ZNF804B: variants seen among roughly 807,000 people sequenced by gnomAD.
ZNF804B encodes the protein zinc finger 804B.
Under a neutral mutation model 101.4 loss-of-function variants are expected in ZNF804B, and 80 were observed. The ratio of observed to expected loss-of-function variants is 0.79; its 90% CI spans 0.66 to 0.95. The LOEUF (loss-of-function observed/expected upper bound fraction) is 0.95, where lower values mean the gene tolerates loss of function less well. Among genes scored for constraint, ZNF804B ranks in the 40% least tolerant of loss-of-function variants. ZNF804B has a pLI of 0.00. For missense variants in ZNF804B, 1,673 were observed against 1,561.9 expected, an observed-to-expected ratio of 1.07 and a Z score of -1.20; for synonymous variants, 622 against 558.8, an observed-to-expected ratio of 1.11 and a Z score of -1.59.
intron 3 of ZNF804B, among the ~76,000 whole-genome samples, chr7:89,328,706 T>C (rs1323460507): frequency 6.6e-6 from 1 of 151,890 alleles, no homozygotes; most frequent in Non-Finnish European, 1.5e-5. Flanking sequence ...TTCCTGTGAT[T>C]AATAAGGAGA....
chr7:89,129,323 C>T (rs1282188450), intron 1 of ZNF804B, among the ~76,000 whole-genome samples: 2 of 151,860 alleles, frequency 1.3e-5, no homozygotes, highest in African/African-American at 4.8e-5. Context: ...ATCATATTTC[C>T]CTTGTCAGTA....
intron 2 of ZNF804B, among the ~76,000 whole-genome samples, chr7:89,268,852 A>C (rs189877565): frequency 6.6e-6 from 1 of 152,154 alleles, no homozygotes; most frequent in African/African-American, 2.4e-5. Flanking sequence ...TAAATTTTTA[A>C]TTTAAGTACA....
chr7:88,831,771 C>T (rs1317769520), intron 1 of ZNF804B, among the ~76,000 whole-genome samples: 1 of 151,856 alleles, frequency 6.6e-6, no homozygotes, highest in African/African-American at 2.4e-5. Flanking sequence ...TGACCTTGCT[C>T]TTTGACCATT....
rs1790771676 is a variant in ZNF804B, at chr7:89,144,977, A to G, written c.109-73178A>G. ...AAAAATTAGCTGGGTGTGATGGTGCATTCCTGTAGTCCCAGCTACTTGAGA... is the reference window on the plus strand; with the variant it reads ...AAAAATTAGCTGGGTGTGATGGTGCGTTCCTGTAGTCCCAGCTACTTGAGA... On this transcript the variant is annotated intron_variant, in intron 1 of 3. Coordinates refer to ENST00000333190, the MANE Select transcript of ZNF804B (RefSeq NM_181646.5). Among the ~76,000 whole-genome samples, 3 of 151,836 alleles carry G rather than the reference A, an allele frequency of 2.0e-5. No homozygotes were observed. In the South Asian group the frequency reaches 6.2e-4, roughly 32 times the overall value.
chr7:89,076,636 A>G (rs1378772215), intron 1 of ZNF804B, among the ~76,000 whole-genome samples: 2 of 152,226 alleles, frequency 1.3e-5, no homozygotes, highest in Non-Finnish European at 2.9e-5. Context: ...ATGATTTCTG[A>G]TAATATGACT....
In ZNF804B at chr7:88,807,674, G is replaced by A. The variant is rs138767314; in HGVS notation, c.108+47590G>A. Reference sequence around the variant, plus strand: ...ATAGATAAAACTAGAGCACTCCTATGTTGGTGAGAGCTATACAATACAAAA... The same window carrying A: ...ATAGATAAAACTAGAGCACTCCTATATTGGTGAGAGCTATACAATACAAAA... On this transcript the variant is annotated intron_variant, in intron 1 of 3. Coordinates refer to ENST00000333190, the MANE Select transcript of ZNF804B (RefSeq NM_181646.5). 2.6e-5 allele frequency among the ~76,000 whole-genome samples: 4 copies of A among 152,208 alleles called. No homozygotes were observed. The East Asian group carries it at 7.7e-4, about 29-fold the overall frequency.
chr7:89,319,317 A>G (rs1790778697), intron 2 of ZNF804B, among the ~76,000 whole-genome samples: 1 of 152,196 alleles, frequency 6.6e-6, no homozygotes, highest in Non-Finnish European at 1.5e-5. Flanking sequence ...GGCTTACACA[A>G]CTTCTCCTTT....
intron 2 of ZNF804B, among the ~76,000 whole-genome samples, chr7:89,266,971 TTAGA>T (rs1469188463): frequency 6.6e-6 from 1 of 152,052 alleles, no homozygotes; most frequent in African/African-American, 2.4e-5. Flanking sequence ...GTGAATCAAT[TTAGA>T]TAATTCTGTG....
In ZNF804B at chr7:88,996,169, T is replaced by C. The variant is rs192747617; in HGVS notation, c.109-221986T>C. ...TTTCATTGCAAATGTACTCTACTAA[T>C]ATAATATTAAAAATAGGAGATAAAG... is the stretch of plus-strand genomic sequence containing the variant. On this transcript the variant is annotated intron_variant, in intron 1 of 3. Transcript: ENST00000333190. Among the ~76,000 whole-genome samples the C allele has an allele frequency of 2.0e-4, 31 of 152,202 alleles. No individual in the cohort carries two copies. In the East Asian group the frequency reaches 6.0e-3, roughly 29 times the overall value.
intron 1 of ZNF804B, among the ~76,000 whole-genome samples, chr7:89,131,955 A>G (rs1790554515): frequency 6.6e-6 from 1 of 152,044 alleles, no homozygotes; most frequent in Admixed American, 6.6e-5. Flanking sequence ...GCAAATTCAA[A>G]TGCAGATAGC....
chr7:88,770,695 G>C (rs2519951), intron 1 of ZNF804B, among the ~76,000 whole-genome samples: 66,390 of 151,942 alleles, frequency 0.44, 17,630 homozygotes, highest in African/African-American at 0.74. Flanking sequence ...CTGTCTCTGC[G>C]CAAATGTCCC....
intron 1 of ZNF804B, among the ~76,000 whole-genome samples, chr7:88,832,149 C>T (rs1791143425): frequency 6.7e-6 from 1 of 149,458 alleles, no homozygotes; most frequent in South Asian, 2.1e-4. Flanking sequence ...TGATGCATTT[C>T]CACAGGAACT....
chr7:89,251,512 CCATACTGCCCAAAGCAATGTA>C (rs1013655686), intron 2 of ZNF804B, among the ~76,000 whole-genome samples: 1 of 139,202 alleles, frequency 7.2e-6, no homozygotes, highest in Non-Finnish European at 1.6e-5. Context: ...CATTAAAAAT[CCATACTGCCCAAAGCAATGTA>C]CAGATTCAAT....
intron 1 of ZNF804B, among the ~76,000 whole-genome samples, chr7:88,997,501 T>C (rs1390945858): frequency 1.3e-5 from 2 of 152,106 alleles, no homozygotes; most frequent in Non-Finnish European, 2.9e-5. Context: ...GGATATTAAC[T>C]GAAGTTCTGT....
intron 1 of ZNF804B, among the ~76,000 whole-genome samples, chr7:88,889,910 C>A (rs972512711): frequency 6.6e-6 from 1 of 152,086 alleles, no homozygotes; most frequent in Admixed American, 6.6e-5. Flanking sequence ...AATTTGAGGT[C>A]TGACATTTAC....
At chr7:89,251,096 A>G (rs530605478) in intron 2 of ZNF804B, among the ~76,000 whole-genome samples, 10 of 152,314 alleles carry the variant, frequency 6.6e-5, no homozygotes, top group Non-Finnish European at 1.5e-4. Context: ...TCCCAGAATA[A>G]TCAGGCAAGA....
At chr7:89,084,755 A>G (rs1320997512) in intron 1 of ZNF804B, among the ~76,000 whole-genome samples, 1 of 152,026 alleles carries the variant, frequency 6.6e-6, no homozygotes, top group African/African-American at 2.4e-5. Flanking sequence ...CTACATAGAT[A>G]TAAAACAAAC....
intron 1 of ZNF804B, among the ~76,000 whole-genome samples, chr7:88,892,957 C>T (rs2115934180): frequency 6.6e-6 from 1 of 152,114 alleles, no homozygotes; most frequent in East Asian, 1.9e-4. Context: ...GATTCTTCTC[C>T]CATTGTCTTC....
chr7:88,766,609 C>A (rs1789987553), intron 1 of ZNF804B, among the ~76,000 whole-genome samples: 1 of 152,136 alleles, frequency 6.6e-6, no homozygotes. Context: ...GCCTTAAAAG[C>A]AACATGATAT....
Sources: allele counts gnomAD v4.1 joint callset (sites outside exome capture counted in the v4.1 genomes callset), GRCh38; gene constraint gnomAD v4.1.1; transcripts MANE v1.5; gene names NCBI Gene and HGNC (gene_info 2026-07-23, HGNC 2026-07-21).